The following SPATA16 variants were observed in gnomAD, a reference collection of about 807,000 sequenced individuals.
SPATA16 encodes the protein spermatogenesis-associated protein 16.
A neutral mutation model predicts 63.3 loss-of-function variants in SPATA16; 36 were observed. That is an observed-to-expected ratio of 0.57 (90% CI 0.44 to 0.75). The LOEUF is 0.75. Among genes scored for constraint, SPATA16 ranks in the 30% least tolerant of loss-of-function variants. SPATA16 has a pLI of 0.00. For synonymous variants in SPATA16, 203 were observed against 216.7 expected, an observed-to-expected ratio of 0.94 and a Z score of 0.56; for missense variants, 646 against 679.3, an observed-to-expected ratio of 0.95 and a Z score of 0.54.
At chr3:172,954,798 T>C (rs1339219223) in intron 6 of SPATA16, among the ~76,000 whole-genome samples, 4 of 152,200 alleles carry the variant, frequency 2.6e-5, no homozygotes, top group African/African-American at 9.6e-5. Flanking sequence ...AGGTAAATAA[T>C]GTCACCAATG....
chr3:173,115,147 T>A (rs1737861492), intron 2 of SPATA16, among the ~76,000 whole-genome samples: 1 of 152,216 alleles, frequency 6.6e-6, no homozygotes, highest in Admixed American at 6.5e-5. Context: ...AGTACAATTA[T>A]ATTTTAGGTT....
intron 2 of SPATA16, among the ~76,000 whole-genome samples, chr3:173,086,393 G>A (rs1737053994): frequency 6.6e-6 from 1 of 151,624 alleles, no homozygotes; most frequent in South Asian, 2.1e-4. Flanking sequence ...TCCCTTTTAT[G>A]GTTTTCTATG....
At chr3:172,997,861 G>T (rs1223021929) in intron 4 of SPATA16, among the ~76,000 whole-genome samples, 2 of 152,112 alleles carry the variant, frequency 1.3e-5, no homozygotes, top group East Asian at 1.9e-4. Context: ...GACTATCTTT[G>T]CTCCATTGTA....
chr3:173,040,915 T>A (rs908569888), intron 3 of SPATA16, among the ~76,000 whole-genome samples: 1 of 152,142 alleles, frequency 6.6e-6, no homozygotes, highest in Non-Finnish European at 1.5e-5. Flanking sequence ...TAGTCAACTT[T>A]GCACTGCAGA....
At chr3:172,997,948 A>G (rs1165182134) in intron 4 of SPATA16, among the ~76,000 whole-genome samples, 1 of 152,158 alleles carries the variant, frequency 6.6e-6, no homozygotes, top group African/African-American at 2.4e-5. Flanking sequence ...GTAGCTTTAT[A>G]GTAATTCTTG....
At chr3:172,940,909 G>A (rs1733132743) in intron 6 of SPATA16, among the ~76,000 whole-genome samples, 1 of 152,224 alleles carries the variant, frequency 6.6e-6, no homozygotes, top group South Asian at 2.1e-4. Flanking sequence ...CTTGAACCCG[G>A]GAGGCGGAGG....
intron 2 of SPATA16, among the ~76,000 whole-genome samples, chr3:173,103,893 C>T (rs572342820): frequency 2.6e-4 from 40 of 152,332 alleles, no homozygotes; most frequent in African/African-American, 8.7e-4. Flanking sequence ...TTATACTCTG[C>T]TTCCCTTCTA....
intron 4 of SPATA16, among the ~76,000 whole-genome samples, chr3:172,977,907 T>C (rs1470662702): frequency 6.6e-6 from 1 of 152,190 alleles, no homozygotes; most frequent in Admixed American, 6.5e-5. Context: ...GTTTTTCTTA[T>C]CTTTGCCTGC....
chr3:173,137,158 G>A (rs925921260), intron 1 of SPATA16, among the ~76,000 whole-genome samples: 4 of 152,112 alleles, frequency 2.6e-5, no homozygotes, highest in Non-Finnish European at 4.4e-5. Flanking sequence ...TACCAGTTTA[G>A]GGCAACACCT....
chr3:172,918,661 A>T (rs1244188662), intron 8 of SPATA16, among the ~76,000 whole-genome samples: 1 of 152,108 alleles, frequency 6.6e-6, no homozygotes, highest in East Asian at 1.9e-4. Context: ...AAAAATAGGA[A>T]TTAGCTTAAA....
intron 2 of SPATA16, among the ~76,000 whole-genome samples, chr3:173,093,752 A>G (rs1238446917): frequency 2.0e-5 from 3 of 152,198 alleles, no homozygotes; most frequent in Non-Finnish European, 4.4e-5. Flanking sequence ...TAACCTCAAA[A>G]GGTATTGATA....
At chr3:173,082,440 C>T (rs960383856) in intron 2 of SPATA16, among the ~76,000 whole-genome samples, 1 of 152,136 alleles carries the variant, frequency 6.6e-6, no homozygotes, top group African/African-American at 2.4e-5. Context: ...TGCCTCCATC[C>T]AGAACTTCAG....
intron 4 of SPATA16, among the ~76,000 whole-genome samples, chr3:173,014,566 A>G (rs1416718260): frequency 6.6e-6 from 1 of 152,242 alleles, no homozygotes; most frequent in Non-Finnish European, 1.5e-5. Context: ...AAACCCGCAC[A>G]TGTATCCCAT....
At chr3:173,065,120 A>G (rs189521844) in intron 2 of SPATA16, among the ~76,000 whole-genome samples, 84 of 152,342 alleles carry the variant, frequency 5.5e-4, no homozygotes, top group Non-Finnish European at 9.1e-4. Context: ...CAGATCAAAT[A>G]AGCTTGTGAT....
At chr3:173,086,670 A>C (rs552085655) in intron 2 of SPATA16, among the ~76,000 whole-genome samples, 6 of 152,274 alleles carry the variant, frequency 3.9e-5, no homozygotes, top group African/African-American at 1.4e-4. Flanking sequence ...TGATGTGGGC[A>C]TTTAGTGCTA....
chr3:172,993,369 G>T (rs1009004084), intron 4 of SPATA16, among the ~76,000 whole-genome samples: 2 of 152,028 alleles, frequency 1.3e-5, no homozygotes, highest in East Asian at 1.9e-4. Flanking sequence ...AAGATGTAAG[G>T]GTTTCCTTGA....
chr3:173,011,026 A>G (rs1279485566), intron 4 of SPATA16, among the ~76,000 whole-genome samples: 1 of 151,428 alleles, frequency 6.6e-6, no homozygotes, highest in East Asian at 1.9e-4. Flanking sequence ...AGCTGGAGCA[A>G]TACTACTAAA....
chr3:172,931,032 C>T (rs758805930), intron 6 of SPATA16, among the ~76,000 whole-genome samples: 1 of 151,966 alleles, frequency 6.6e-6, no homozygotes. Context: ...CCTTGTTGGG[C>T]AGGCTGGTCT....
intron 3 of SPATA16, among the ~76,000 whole-genome samples, chr3:173,041,287 A>G (rs1314887049): frequency 2.0e-5 from 3 of 152,184 alleles, no homozygotes; most frequent in Non-Finnish European, 4.4e-5. Context: ...TCATGCACAC[A>G]TGGGCACACA....
Sources: allele counts gnomAD v4.1 joint callset (sites outside exome capture counted in the v4.1 genomes callset), GRCh38; gene constraint gnomAD v4.1.1; transcripts MANE v1.5; gene names NCBI Gene and HGNC (gene_info 2026-07-23, HGNC 2026-07-21).